The following DNA2 variants were observed in gnomAD, a reference collection of about 807,000 sequenced individuals.
The protein encoded by DNA2 is DNA replication ATP-dependent helicase/nuclease DNA2.
A neutral mutation model predicts 119.1 loss-of-function variants in DNA2; 101 were observed. The ratio of observed to expected loss-of-function variants is 0.85; its 90% CI spans 0.72 to 1.00. DNA2 has a LOEUF of 1.00. Ranked by LOEUF, DNA2 falls within the 50% of genes least tolerant of loss-of-function variation. DNA2 has a pLI of 0.00. For synonymous variants in DNA2, 366 were observed against 424.4 expected (o/e 0.86, Z 1.69); for missense variants, 1,121 against 1,255.5 (o/e 0.89, Z 1.62).
At chr10:68,459,027 C>A in intron 5 of DNA2, 77 bp downstream of exon 5, 1 of 1,275,404 alleles carries the variant, frequency 7.8e-7, no homozygotes. Context: ...TCTTTAAAAA[C>A]TTTGATTCAA....
chr10:68,431,815 A>G, intron 13 of DNA2, 47 bp downstream of exon 13: 1 of 1,274,388 alleles, frequency 7.8e-7, no homozygotes, highest in South Asian at 1.3e-5. Flanking sequence ...ACTGAGGAGA[A>G]GCTGATACAA....
At position 68,437,032 on chromosome 10, in the gene DNA2, G is replaced by A; in HGVS notation, c.1625C>T (p.Thr542Ile). ...RGYVKEINMT[T>I]VTCLLDRNLS... ...TTACCTGTCTAATAAACAAGTTACT[G>A]TTGTCATGTTAATCTCCTTCACATA... The change falls in exon 10 of 21, where the codon ACA becomes ATA. Residue 542 changes from threonine (T) to isoleucine (I), a missense_variant. By Grantham distance (89) the Thr-to-Ile change is moderately conservative. Coordinates refer to ENST00000358410, the MANE Select transcript of DNA2 (RefSeq NM_001080449.3). 2 of 1,610,828 alleles carry A rather than the reference G, an allele frequency of 1.2e-6. No individual in the cohort carries two copies. Among genetic ancestry groups the A allele is most frequent in the Non-Finnish European group, 1.7e-6 (2 of 1,178,698 alleles).
chr10:68,439,520 G>A (rs752605244), intron 9 of DNA2, among the ~76,000 whole-genome samples: 25 of 151,886 alleles, frequency 1.6e-4, no homozygotes, highest in Non-Finnish European at 3.4e-4. Context: ...TGGCTAACAC[G>A]GTGAAACCCC....
At chr10:68,446,164 A>G in intron 7 of DNA2, 132 bp downstream of exon 7, 1 of 537,996 alleles carries the variant, frequency 1.9e-6, no homozygotes, top group South Asian at 2.5e-5. Context: ...AAACAACAAC[A>G]AAAAAAACCC....
At chr10:68,434,680 C>T (rs147952328) in intron 10 of DNA2, among the ~76,000 whole-genome samples, 4 of 152,102 alleles carry the variant, frequency 2.6e-5, no homozygotes, top group East Asian at 3.9e-4. Context: ...TATGTCTACA[C>T]GCAAGACCAT....
chr10:68,467,737 T>C (rs1171542462), intron 3 of DNA2, among the ~76,000 whole-genome samples: 1 of 152,170 alleles, frequency 6.6e-6, no homozygotes, highest in African/African-American at 2.4e-5. Context: ...CAAAATACAT[T>C]TTTTAAAAGC....
At chr10:68,458,836 C>G (rs960881425) in intron 5 of DNA2, among the ~76,000 whole-genome samples, 4 of 151,138 alleles carry the variant, frequency 2.6e-5, no homozygotes, top group African/African-American at 9.7e-5. Context: ...TGCGACAGAG[C>G]AAAACTCCAT....
Position 68,437,012 on chromosome 10 carries a change from T to C in DNA2, c.1645A>G (p.Arg549Gly). 2.5e-6 allele frequency: 4 copies of C among 1,602,198 alleles called. No homozygotes were observed. Among genetic ancestry groups the C allele is most frequent in the Non-Finnish European group, 3.4e-6 (4 of 1,172,480 alleles). ...TCAAAAAAAGTAACATTTCATTACCTGTCTAATAAACAAGTTACTGTTGTC... is the reference window on the plus strand; with the variant it reads ...TCAAAAAAAGTAACATTTCATTACCCGTCTAATAAACAAGTTACTGTTGTC... ...NMTTVTCLLD[R>G]NLSVLPESTL... Residue 549 changes from arginine (R) to glycine (G), a missense_variant and splice_region_variant, in exon 10 of 21, where the codon AGA becomes GGA. Physicochemically the swap from Arg to Gly is moderately radical, Grantham distance 125. Coordinates refer to ENST00000358410, the MANE Select transcript of DNA2 (RefSeq NM_001080449.3).
Position 68,450,263 on chromosome 10 carries a change from G to C in DNA2, c.720-16C>G. 2 of 1,375,106 alleles carry C rather than the reference G, an allele frequency of 1.5e-6. No homozygotes were observed. The highest frequency in any genetic ancestry group is 2.0e-6 in the Non-Finnish European group (2 of 994,754). The allele number at this position is 1,375,106 out of a possible 1,614,324, so 85.2% of individuals were successfully genotyped here. On this transcript the variant is annotated splice_polypyrimidine_tract_variant and intron_variant, in intron 5 of 20. Transcript: ENST00000358410. ...ATCACTTGGCCTGAAAAAAAAAAAA[G>C]CACAAAAACACTTAATTAGAACTCT...
chr10:68,448,310 C>T (rs977614535), intron 6 of DNA2, among the ~76,000 whole-genome samples: 25 of 152,198 alleles, frequency 1.6e-4, no homozygotes, highest in African/African-American at 5.3e-4. Context: ...TGAAATTCTT[C>T]GGAGAAACCA....
chr10:68,466,753 G>T (rs1414915794), intron 3 of DNA2, among the ~76,000 whole-genome samples: 1 of 151,912 alleles, frequency 6.6e-6, no homozygotes, highest in African/African-American at 2.4e-5. Context: ...TAATTTTTTT[G>T]TATTTTTAAT....
intron 6 of DNA2, among the ~76,000 whole-genome samples, chr10:68,448,427 C>G (rs1189799544): frequency 6.6e-6 from 1 of 152,128 alleles, no homozygotes. Flanking sequence ...CTTTTATTAT[C>G]AAAATTAAAA....
Position 68,450,199 on chromosome 10 carries a change from C to T in DNA2, c.768G>A (p.Val256=), listed in dbSNP as rs766188194. 10 of 1,598,988 alleles carry T rather than the reference C, an allele frequency of 6.3e-6. No homozygotes were observed. Among genetic ancestry groups the T allele is most frequent in the Admixed American group, 1.7e-5 (1 of 57,336 alleles). ...TGCTTTCTTCAATATCCATTGGTTT[C>T]ACGACTTCAATGTTACATGTTGAAT... is the stretch of plus-strand genomic sequence containing the variant. The part of the protein sequence containing the change: ...KDNSTCNIEV[V]KPMDIEESIW... The change falls in exon 6 of 21, where the codon GTG becomes GTA. Residue 256 remains valine (V), a synonymous_variant. Coordinates refer to ENST00000358410, the MANE Select transcript of DNA2 (RefSeq NM_001080449.3).
intron 14 of DNA2, among the ~76,000 whole-genome samples, chr10:68,428,416 TA>T (rs879578894): frequency 1.1e-3 from 164 of 146,000 alleles, no homozygotes; most frequent in Middle Eastern, 3.6e-3. Flanking sequence ...TTTGGCAGAT[TA>T]AAAAAAAAAA....
chr10:68,471,494 T>G (rs746958358), intron 1 of DNA2, among the ~76,000 whole-genome samples: 5 of 152,104 alleles, frequency 3.3e-5, no homozygotes, highest in Non-Finnish European at 5.9e-5. Flanking sequence ...GCGGTTGCAA[T>G]TTCCTATTAT....
chr10:68,448,355 T>G (rs1246427393), intron 6 of DNA2, among the ~76,000 whole-genome samples: 1 of 152,206 alleles, frequency 6.6e-6, no homozygotes, highest in Non-Finnish European at 1.5e-5. Context: ...TTTTAGCTCA[T>G]GTAACAGCTT....
chr10:68,421,151 G>A (rs940031445), intron 17 of DNA2, among the ~76,000 whole-genome samples: 5 of 148,140 alleles, frequency 3.4e-5, no homozygotes, highest in African/African-American at 1.3e-4. Context: ...TGGTCAGGCT[G>A]GTCTCGAACT....
chr10:68,439,251 G>A (rs975075369), intron 9 of DNA2, among the ~76,000 whole-genome samples: 8 of 147,714 alleles, frequency 5.4e-5, no homozygotes, highest in Non-Finnish European at 9.0e-5. Context: ...AAAATTAGCC[G>A]GGTGTGGTGG....
At chr10:68,430,326 A>G (rs1590053779) in intron 14 of DNA2, 110 bp downstream of exon 14, 1 of 737,590 alleles carries the variant, frequency 1.4e-6, no homozygotes, top group African/African-American at 1.8e-5. Flanking sequence ...ATATAAATTA[A>G]TCATGTGCAA....
Sources: allele counts gnomAD v4.1 joint callset (sites outside exome capture counted in the v4.1 genomes callset), GRCh38; gene constraint gnomAD v4.1.1; transcripts MANE v1.5; gene names NCBI Gene and HGNC (gene_info 2026-07-23, HGNC 2026-07-21).